The following C12orf42 variants were observed in gnomAD, a reference collection of about 807,000 sequenced individuals.
C12orf42 encodes chromosome 12 open reading frame 42, also known as uncharacterized protein C12orf42.
A neutral mutation model predicts 21.6 loss-of-function variants in C12orf42; 25 were observed. The observed-to-expected ratio is 1.16, with a 90% confidence interval of 0.84 to 1.62. The LOEUF (loss-of-function observed/expected upper bound fraction) is 1.62. C12orf42 is among the 40% of genes most tolerant of loss of function. The probability of loss-of-function intolerance (pLI) is 0.00; values close to 1 mark genes in which losing one functional copy is unlikely to be tolerated. For missense variants in C12orf42, 483 were observed against 459.3 expected, an observed-to-expected ratio of 1.05 and a Z score of -0.47; for synonymous variants, 174 against 175.0, an observed-to-expected ratio of 0.99 and a Z score of 0.05.
chr12:103,068,326 T>C, the C12orf42 span, among the ~76,000 whole-genome samples: 1 of 152,352 alleles, frequency 6.6e-6, no homozygotes, highest in African/African-American at 2.4e-5. Flanking sequence ...TACTTAAATA[T>C]GTAATAGCAT....
the C12orf42 span, among the ~76,000 whole-genome samples, chr12:103,533,457 A>G: frequency 6.6e-6 from 1 of 152,066 alleles, no homozygotes; most frequent in South Asian, 2.1e-4. Context: ...TCTGGTCCCA[A>G]TTTTCCACAA....
In C12orf42 at chr12:103,485,823, G is replaced by A. The variant is rs575662374; in HGVS notation, c.-21-7376C>T. 6.8e-4 allele frequency among the ~76,000 whole-genome samples: 104 copies of A among 152,248 alleles called. 1 individual carries two copies. The highest frequency in any genetic ancestry group is 1.2e-3 in the Non-Finnish European group (82 of 68,016). On this transcript the variant is annotated intron_variant, in intron 1 of 5. Coordinates refer to ENST00000548883, the MANE Select transcript of C12orf42 (RefSeq NM_198521.5). Reference sequence around the variant, plus strand: ...CTTGTGATTTTTGCACATTGGTTTTGTATCCTGAGACTTTGCTGAAGTTGC... The same window carrying A: ...CTTGTGATTTTTGCACATTGGTTTTATATCCTGAGACTTTGCTGAAGTTGC...
At chr12:103,281,849 C>T (rs764255654) in intron 4 of C12orf42, among the ~76,000 whole-genome samples, 16 of 141,596 alleles carry the variant, frequency 1.1e-4, no homozygotes, top group Admixed American at 2.2e-4. Flanking sequence ...ACAACTAACT[C>T]AACTAGACTA....
At chr12:103,129,056 T>C in the C12orf42 span, among the ~76,000 whole-genome samples, 1 of 152,184 alleles carries the variant, frequency 6.6e-6, no homozygotes, top group African/African-American at 2.4e-5. Flanking sequence ...TTCCTGTGCA[T>C]CTGTCAGTCA....
chr12:103,173,119 G>T, the C12orf42 span, among the ~76,000 whole-genome samples: 3 of 152,090 alleles, frequency 2.0e-5, no homozygotes, highest in Non-Finnish European at 4.4e-5. Context: ...AAAGAGTTCA[G>T]TGATTTGTTT....
At chr12:103,496,557 A>G (rs1266438609), upstream of C12orf42, among the ~76,000 whole-genome samples, 1 of 152,182 alleles carries the variant, frequency 6.6e-6, no homozygotes, top group South Asian at 2.1e-4. Flanking sequence ...TGAGGAGTCC[A>G]CACACTTCAA....
intron 2 of C12orf42, among the ~76,000 whole-genome samples, chr12:103,444,654 T>C (rs1490406243): frequency 1.3e-5 from 2 of 152,104 alleles, no homozygotes; most frequent in African/African-American, 2.4e-5. Flanking sequence ...CTGAAAGATG[T>C]GTCTTGAAAA....
chr12:103,192,186 A>G, the C12orf42 span, among the ~76,000 whole-genome samples: 1 of 152,284 alleles, frequency 6.6e-6, no homozygotes, highest in East Asian at 1.9e-4. Flanking sequence ...AAAAGATCCA[A>G]TTATATGCCA....
intron 1 of C12orf42, among the ~76,000 whole-genome samples, chr12:103,489,819 G>C (rs1955075617): frequency 6.6e-6 from 1 of 152,160 alleles, no homozygotes. Flanking sequence ...TACAGTATTT[G>C]GGCAGGAGTG....
At chr12:103,349,495 T>C (rs2042926545) in intron 4 of C12orf42, among the ~76,000 whole-genome samples, 1 of 152,130 alleles carries the variant, frequency 6.6e-6, no homozygotes, top group South Asian at 2.1e-4. Context: ...ATCCTGATAA[T>C]TCAAACCAAA....
At chr12:103,094,549 A>G in the C12orf42 span, among the ~76,000 whole-genome samples, 15 of 152,296 alleles carry the variant, frequency 9.8e-5, no homozygotes, top group South Asian at 3.1e-3. Flanking sequence ...GCTGGGAGTC[A>G]TCTCTTCCTC....
At chr12:103,210,908 T>A in the C12orf42 span, among the ~76,000 whole-genome samples, 3 of 151,986 alleles carry the variant, frequency 2.0e-5, no homozygotes, top group East Asian at 3.9e-4. Context: ...GGAGGATCGC[T>A]TGAGCCCAGG....
At chr12:103,307,128 C>G (rs540807781) in intron 4 of C12orf42, among the ~76,000 whole-genome samples, 1 of 152,206 alleles carries the variant, frequency 6.6e-6, no homozygotes, top group Non-Finnish European at 1.5e-5. Context: ...TTAAGTCACC[C>G]ATTTTGTGGT....
chr12:103,169,767 T>TA, the C12orf42 span, among the ~76,000 whole-genome samples: 1 of 128,604 alleles, frequency 7.8e-6, no homozygotes, highest in Non-Finnish European at 1.7e-5. Flanking sequence ...ATGCTAAAAA[T>TA]AAAAAGGATA....
At chr12:103,471,445 A>C (rs902500123) in intron 2 of C12orf42, among the ~76,000 whole-genome samples, 1 of 152,368 alleles carries the variant, frequency 6.6e-6, no homozygotes, top group Non-Finnish European at 1.5e-5. Context: ...CAGCCAACAG[A>C]GGTCAATTTC....
At chr12:103,092,860 G>A in the C12orf42 span, among the ~76,000 whole-genome samples, 6 of 152,122 alleles carry the variant, frequency 3.9e-5, no homozygotes, top group South Asian at 2.1e-4. Context: ...ATTCTTTGCC[G>A]CTCTGTCCAG....
At chr12:103,171,380 G>A in the C12orf42 span, among the ~76,000 whole-genome samples, 1 of 152,082 alleles carries the variant, frequency 6.6e-6, no homozygotes, top group African/African-American at 2.4e-5. Context: ...AATATTTGTT[G>A]AATAAAAGAC....
intron 1 of C12orf42, among the ~76,000 whole-genome samples, chr12:103,487,427 T>C (rs547491893): frequency 6.6e-6 from 1 of 152,352 alleles, no homozygotes; most frequent in South Asian, 2.1e-4. Flanking sequence ...AGAATGTATA[T>C]TCTGTTGATT....
the C12orf42 span, chr12:103,505,312 T>C: frequency 3.8e-6 from 1 of 262,490 alleles, no homozygotes. Context: ...CCTCCGACCC[T>C]TCCATCCGGG....
Sources: gnomAD v4.1 joint callset for allele counts (sites outside exome capture counted in the v4.1 genomes callset) on GRCh38, gnomAD v4.1.1 for gene constraint, MANE v1.5 for transcripts, NCBI Gene and HGNC (gene_info 2026-07-23, HGNC 2026-07-21) for gene names.